SFMBT2: variants seen among roughly 807,000 people sequenced by gnomAD.
SFMBT2 encodes Scm like with four mbt domains 2.
In SFMBT2, 38 loss-of-function variants were observed where a neutral mutation model predicts 110.1. That is an observed-to-expected ratio of 0.35 (90% CI 0.27 to 0.45). SFMBT2 has a LOEUF of 0.45. SFMBT2 is among the 20% of genes least tolerant of loss of function. The pLI, the probability that SFMBT2 is intolerant of heterozygous loss-of-function variation, is 1.00. For synonymous variants in SFMBT2, 425 were observed against 425.4 expected (o/e 1.00, Z 0.01); for missense variants, 1,011 against 1,094.9 (o/e 0.92, Z 1.08).
chr10:7,356,851 C>A (rs1844531575), intron 4 of SFMBT2, among the ~76,000 whole-genome samples: 1 of 152,168 alleles, frequency 6.6e-6, no homozygotes, highest in Admixed American at 6.5e-5. Flanking sequence ...ACACAGAATT[C>A]AGATAAATCA....
In SFMBT2 at chr10:7,260,959, T is replaced by TA. The variant is rs376826814; in HGVS notation, c.871-12311dup. ...ATACCCCAGTTTAACAAAGAAACAT[T>TA]AAAAAAAAAAAAGTGTGGCCTTGGG... On this transcript the variant is annotated intron_variant, in intron 7 of 20. Transcript: ENST00000397167. Among the ~76,000 whole-genome samples the TA allele has an allele frequency of 7.5e-4, 110 of 145,824 alleles. 1 individual carries two copies. The South Asian group carries it at 0.013, about 17-fold the overall frequency.
intron 1 of SFMBT2, among the ~76,000 whole-genome samples, chr10:7,401,162 C>T (rs912896380): frequency 1.3e-5 from 2 of 152,088 alleles, no homozygotes; most frequent in Admixed American, 1.3e-4. Context: ...AAAGCATCCC[C>T]TCCAAAAAGA....
chr10:7,411,287 C>T (rs184506197), upstream of SFMBT2: 1,472 of 152,308 alleles, frequency 9.7e-3, 12 homozygotes, highest in Non-Finnish European at 0.016. Flanking sequence ...CTTCCACGCC[C>T]ACGCGGCCTC....
At chr10:7,297,039 G>C (rs746823724) in intron 4 of SFMBT2, among the ~76,000 whole-genome samples, 10 of 152,230 alleles carry the variant, frequency 6.6e-5, no homozygotes, top group East Asian at 1.9e-4. Context: ...ACAGTCATGA[G>C]AGTATCTATA....
chr10:7,322,392 A>G (rs185037280), intron 4 of SFMBT2, among the ~76,000 whole-genome samples: 1 of 152,228 alleles, frequency 6.6e-6, no homozygotes, highest in Non-Finnish European at 1.5e-5. Flanking sequence ...ACAGTATGAA[A>G]GTGGACTGAC....
chr10:7,264,760 AT>A (rs1841327990), intron 7 of SFMBT2, among the ~76,000 whole-genome samples: 1 of 152,184 alleles, frequency 6.6e-6, no homozygotes, highest in Non-Finnish European at 1.5e-5. Context: ...TTAGCTGCCT[AT>A]AAAAAAGCAG....
At chr10:7,353,816 T>C (rs997646937) in intron 4 of SFMBT2, among the ~76,000 whole-genome samples, 6 of 152,214 alleles carry the variant, frequency 3.9e-5, no homozygotes, top group African/African-American at 1.4e-4. Flanking sequence ...CCAGGCACAG[T>C]GGCTCATGCC....
At chr10:7,409,978 T>C (rs1446071526) in intron 1 of SFMBT2, among the ~76,000 whole-genome samples, 1 of 149,902 alleles carries the variant, frequency 6.7e-6, no homozygotes, top group Non-Finnish European at 1.5e-5. Flanking sequence ...CCACCGCCCC[T>C]GGTCAAAATC....
At chr10:7,400,724 A>G (rs1159321043) in intron 1 of SFMBT2, among the ~76,000 whole-genome samples, 2 of 152,228 alleles carry the variant, frequency 1.3e-5, no homozygotes, top group Non-Finnish European at 2.9e-5. Context: ...AATGCTTCTC[A>G]GAAGAGCCCT....
At chr10:7,232,578 G>A (rs1840135882) in intron 9 of SFMBT2, among the ~76,000 whole-genome samples, 1 of 152,144 alleles carries the variant, frequency 6.6e-6, no homozygotes, top group South Asian at 2.1e-4. Flanking sequence ...TAGATGAAAA[G>A]ACTGCTATAA....
In SFMBT2 at chr10:7,367,367, A is replaced by G. The variant is rs113631443; in HGVS notation, c.436+282T>C. On this transcript the variant is annotated intron_variant, in intron 4 of 20. Coordinates refer to ENST00000397167, the MANE Select transcript of SFMBT2 (RefSeq NM_001387889.1). This position sits in a 1 kb window ranked among gnomAD's most constrained non-coding sequence, Gnocchi z 6.2. ...ACCCTCCAATTCCTGATGTCCTTTC[A>G]GCCTTCCTTTCTTACCCTCCAAAAG... 4.2e-4 allele frequency among the ~76,000 whole-genome samples: 61 copies of G among 145,682 alleles called. No individual in the cohort carries two copies. The highest frequency in any genetic ancestry group is 1.4e-3 in the African/African-American group (52 of 36,778).
chr10:7,303,773 G>C (rs1842620450), intron 4 of SFMBT2, among the ~76,000 whole-genome samples: 1 of 152,158 alleles, frequency 6.6e-6, no homozygotes, highest in Non-Finnish European at 1.5e-5. Context: ...AAAGGGAGAA[G>C]CAATATTTCA....
At position 7,176,165 on chromosome 10, in the gene SFMBT2, T is replaced by C; in HGVS notation, c.1809A>G (p.Lys603=). 1 of 1,614,116 alleles carries C rather than the reference T, an allele frequency of 6.2e-7. No homozygotes were observed. Among genetic ancestry groups the C allele is most frequent in the Non-Finnish European group, 8.5e-7 (1 of 1,179,984 alleles). ...WNFQEETLKA[K]YRGKTYRAVV... is the part of the protein sequence containing the mutation. Reference sequence around the variant, plus strand: ...CAGCCCTGTATGTTTTGCCTCTGTATCTAGAAAATAGGTGGGGAAGAAAAG... The same window carrying C: ...CAGCCCTGTATGTTTTGCCTCTGTACCTAGAAAATAGGTGGGGAAGAAAAG... The change falls in exon 17 of 21, where the codon AAA becomes AAG. Residue 603 remains lysine (K), a splice_region_variant and synonymous_variant. Transcript: ENST00000397167.
Position 7,274,847 on chromosome 10 carries a change from C to T in SFMBT2, c.870+2045G>A, listed in dbSNP as rs140518007. 4.5e-3 allele frequency among the ~76,000 whole-genome samples: 676 copies of T among 151,102 alleles called. 2 individuals carry two copies. Among genetic ancestry groups the T allele is most frequent in the African/African-American group, 0.015 (623 of 41,122 alleles). ...TCCAGCCTGGGTTACAGAGTGACAC[C>T]GTTTCTCCAAAAAAAAAAAAAATTA... is the stretch of plus-strand genomic sequence containing the variant. On this transcript the variant is annotated intron_variant, in intron 7 of 20. Transcript: ENST00000397167.
chr10:7,202,475 C>G lies in SFMBT2; in HGVS notation c.1487+5G>C. On this transcript the variant is annotated splice_donor_5th_base_variant and intron_variant, in intron 13 of 20. Transcript: ENST00000397167. ...GTGTAGTCTGGAGGGGAAAAAAGCA[C>G]GTACTGTTTCTCTGGTTGCACGACT... 6.2e-7 allele frequency: 1 copy of G among 1,614,140 alleles called. No individual in the cohort carries two copies. Among genetic ancestry groups the G allele is most frequent in the South Asian group, 1.1e-5 (1 of 91,084 alleles).
chr10:7,409,578 G>A (rs140076246), intron 1 of SFMBT2, among the ~76,000 whole-genome samples: 24 of 151,996 alleles, frequency 1.6e-4, no homozygotes, highest in African/African-American at 5.8e-4. Context: ...CCTGGTCCGG[G>A]CCAGGGGCAC....
At chr10:7,173,519 C>G (rs1209377511) in intron 17 of SFMBT2, among the ~76,000 whole-genome samples, 1 of 152,218 alleles carries the variant, frequency 6.6e-6, no homozygotes, top group Non-Finnish European at 1.5e-5. Flanking sequence ...TACTTTATTT[C>G]CTTCTCATTT....
Position 7,267,068 on chromosome 10 carries a change from G to A in SFMBT2, c.870+9824C>T, listed in dbSNP as rs138534733. On this transcript the variant is annotated intron_variant, in intron 7 of 20. Transcript: ENST00000397167. ...GGTTTATGGTTTCCTTCTAAGAGTT[G>A]GGAATTCTGGTCTGTGCCAGGCAGA... Among the ~76,000 whole-genome samples the A allele has an allele frequency of 8.2e-3, 1,253 of 152,288 alleles. 30 individuals carry two copies. The highest frequency in any genetic ancestry group is 0.028 in the African/African-American group (1,162 of 41,548).
chr10:7,347,346 T>C (rs1170513907), intron 4 of SFMBT2, among the ~76,000 whole-genome samples: 1 of 152,206 alleles, frequency 6.6e-6, no homozygotes, highest in Non-Finnish European at 1.5e-5. Context: ...AGTAAACTTC[T>C]AAATTAACTT....
Sources: gnomAD v4.1 joint callset for allele counts (sites outside exome capture counted in the v4.1 genomes callset) on GRCh38, gnomAD v4.1.1 for gene constraint, Gnocchi (gnomAD v3.1) non-coding constraint, MANE v1.5 for transcripts, NCBI Gene and HGNC (gene_info 2026-07-23, HGNC 2026-07-21) for gene names.